Variants in DAAM1 observed in about 807,000 individuals in gnomAD.
DAAM1 encodes the protein disheveled-associated activator of morphogenesis 1.
Under a neutral mutation model 130.0 loss-of-function variants are expected in DAAM1, and 52 were observed. The ratio of observed to expected loss-of-function variants is 0.40; its 90% CI spans 0.32 to 0.50. The LOEUF (loss-of-function observed/expected upper bound fraction) is 0.50, where lower values mean the gene tolerates loss of function less well. DAAM1 is among the 20% of genes least tolerant of loss of function. The pLI is 0.61. For missense variants in DAAM1, 1,134 were observed against 1,303.8 expected (o/e 0.87, Z 2.01); for synonymous variants, 452 against 444.5 (o/e 1.02, Z -0.21).
chr14:59,351,091 A>G (rs934748765), intron 17 of DAAM1, among the ~76,000 whole-genome samples: 4 of 150,900 alleles, frequency 2.7e-5, no homozygotes, highest in African/African-American at 9.8e-5. Context: ...CTCTTCCTTC[A>G]ATTCATGTTC....
intron 1 of DAAM1, among the ~76,000 whole-genome samples, chr14:59,262,559 T>TA (rs1488572060): frequency 6.6e-6 from 1 of 152,142 alleles, no homozygotes; most frequent in Non-Finnish European, 1.5e-5. Flanking sequence ...CATACATTCT[T>TA]TAAATCATGT....
At chr14:59,331,975 A>G (rs1323839414) in intron 15 of DAAM1, 55 bp downstream of exon 15, 2 of 1,469,852 alleles carry the variant, frequency 1.4e-6, no homozygotes, top group African/African-American at 1.4e-5. Flanking sequence ...TGTCTTATGC[A>G]TGATCTCTGG....
chr14:59,221,808 ATTG>A (rs1438289705), intron 1 of DAAM1, among the ~76,000 whole-genome samples: 1 of 152,214 alleles, frequency 6.6e-6, no homozygotes, highest in Non-Finnish European at 1.5e-5. Flanking sequence ...CAATGGAATT[ATTG>A]TTGTGTCTCC....
chr14:59,282,441 A>G (rs1020626618), intron 2 of DAAM1, among the ~76,000 whole-genome samples: 6 of 152,152 alleles, frequency 3.9e-5, no homozygotes, highest in African/African-American at 1.4e-4. Flanking sequence ...TCAGAGGCTG[A>G]GTCACTTGTG....
intron 1 of DAAM1, among the ~76,000 whole-genome samples, chr14:59,193,915 TG>T (rs1887808079): frequency 6.6e-6 from 1 of 152,248 alleles, no homozygotes; most frequent in Admixed American, 6.5e-5. Flanking sequence ...CGATATTGTA[TG>T]TGAGGTGCCT....
At chr14:59,284,598 T>C (rs1883360774) in intron 2 of DAAM1, among the ~76,000 whole-genome samples, 1 of 152,024 alleles carries the variant, frequency 6.6e-6, no homozygotes, top group Non-Finnish European at 1.5e-5. Context: ...AGTTGAAAGA[T>C]GAAATAACCA....
chr14:59,269,440 C>G (rs1195609316), intron 2 of DAAM1, among the ~76,000 whole-genome samples: 1 of 152,220 alleles, frequency 6.6e-6, no homozygotes, highest in East Asian at 1.9e-4. Context: ...TTGGGGAGCT[C>G]TACAGTTGTC....
intron 1 of DAAM1, among the ~76,000 whole-genome samples, chr14:59,241,814 C>T (rs527437862): frequency 6.9e-4 from 105 of 152,258 alleles, no homozygotes; most frequent in South Asian, 8.3e-4. Context: ...TTGGGAGTTA[C>T]GTGTAGACTT....
At chr14:59,215,521 T>C (rs1323642955) in intron 1 of DAAM1, among the ~76,000 whole-genome samples, 1 of 152,236 alleles carries the variant, frequency 6.6e-6, no homozygotes, top group African/African-American at 2.4e-5. Flanking sequence ...GACCATGCTT[T>C]CTGCAGGCGG....
chr14:59,263,790 T>C, intron 2 of DAAM1, 130 bp downstream of exon 2: 1 of 1,105,360 alleles, frequency 9.0e-7, no homozygotes, highest in Non-Finnish European at 1.3e-6. Flanking sequence ...TTCACCTTTA[T>C]GTCTGCACCC....
At chr14:59,223,932 A>C (rs769221068) in intron 1 of DAAM1, among the ~76,000 whole-genome samples, 12 of 152,090 alleles carry the variant, frequency 7.9e-5, no homozygotes, top group Non-Finnish European at 1.6e-4. Context: ...GCTGCTTCTC[A>C]CTCACTAGAT....
At chr14:59,189,584 G>A (rs891701113) in intron 1 of DAAM1, among the ~76,000 whole-genome samples, 1 of 152,224 alleles carries the variant, frequency 6.6e-6, no homozygotes, top group South Asian at 2.1e-4. Flanking sequence ...CCTGGGCCAG[G>A]AGGTGGTAGC....
At chr14:59,355,476 C>G in intron 20 of DAAM1, 143 bp downstream of exon 20, 1 of 1,008,976 alleles carries the variant, frequency 9.9e-7, no homozygotes, top group East Asian at 2.7e-5. Flanking sequence ...CTTCCCTTCT[C>G]TGACATTGAC....
At chr14:59,338,289 T>C (rs999305033) in intron 15 of DAAM1, 31 of 1,251,414 alleles carry the variant, frequency 2.5e-5, no homozygotes, top group Non-Finnish European at 3.3e-5. Flanking sequence ...ACATCACTTG[T>C]TTCCTTGACT....
At chr14:59,196,476 G>T (rs548987471) in intron 1 of DAAM1, among the ~76,000 whole-genome samples, 1 of 152,336 alleles carries the variant, frequency 6.6e-6, no homozygotes, top group Non-Finnish European at 1.5e-5. Flanking sequence ...GGGTGCGGTG[G>T]CTCACGCCTG....
chr14:59,326,540 G>C lies in DAAM1; in HGVS notation c.1205G>C (p.Trp402Ser). 1 of 1,612,796 alleles carries C rather than the reference G, an allele frequency of 6.2e-7. No individual in the cohort carries two copies. Among genetic ancestry groups the C allele is most frequent in the African/African-American group, 1.3e-5 (1 of 74,822 alleles). ...AGGAGTGGCAACACTGTTCAGTACT[G>C]GCTACTACTAGATAGAATTATACAG... ...YKRSGNTVQY[W>S]LLLDRIIQQI... The change falls in exon 11 of 25, where the codon TGG (tryptophan) becomes TCG (serine). Residue 402 changes from tryptophan to serine, a missense_variant. By Grantham distance (177) the Trp-to-Ser change is radical. Around this residue, in one of 3 missense-constraint regions of DAAM1, gnomAD observed 391 missense variants for 521.6 expected, o/e 0.75. Transcript: ENST00000360909.
intron 1 of DAAM1, 53 bp from the exon 2 acceptor site, chr14:59,263,388 A>G (rs1252171019): frequency 2.6e-6 from 4 of 1,521,372 alleles, no homozygotes; most frequent in Middle Eastern, 3.4e-4. Flanking sequence ...GCCTTTTAAA[A>G]ATCATTTTAT....
In DAAM1 at chr14:59,330,658, C is replaced by G; in HGVS notation, c.1530C>G (p.Asp510Glu). 6.2e-7 allele frequency: 1 copy of G among 1,613,316 alleles called. No individual in the cohort carries two copies. The highest frequency in any genetic ancestry group is 1.3e-5 in the African/African-American group (1 of 74,990). The change falls in exon 13 of 25, where the codon GAC becomes GAG. Residue 510 changes from aspartate to glutamate, a missense_variant. Physicochemically the swap from Asp to Glu is conservative, Grantham distance 45. Coordinates refer to ENST00000360909, the MANE Select transcript of DAAM1 (RefSeq NM_001270520.2). Reference sequence around the variant, plus strand: ...AGCAAGTCAAGCAGCAGGTGGCGGACCTCACAGCACAGCTCCATGAGCTCA... The same window carrying G: ...AGCAAGTCAAGCAGCAGGTGGCGGAGCTCACAGCACAGCTCCATGAGCTCA... ...EHKQVKQQVA[D>E]LTAQLHELSR...
At chr14:59,309,983 A>G (rs1023863278) in intron 3 of DAAM1, among the ~76,000 whole-genome samples, 1 of 152,120 alleles carries the variant, frequency 6.6e-6, no homozygotes, top group Non-Finnish European at 1.5e-5. Context: ...ATTTTGGCCT[A>G]TCTGCCCTTT....
Sources: gnomAD v4.1 joint callset for allele counts (sites outside exome capture counted in the v4.1 genomes callset) on GRCh38, gnomAD v4.1.1 for gene constraint, gnomAD v4.1.1 regional missense constraint, MANE v1.5 for transcripts, NCBI Gene and HGNC (gene_info 2026-07-23, HGNC 2026-07-21) for gene names.